The following CCDC148 variants were observed in gnomAD, a reference collection of about 807,000 sequenced individuals.
The protein encoded by CCDC148 is coiled-coil domain-containing protein 148.
A neutral mutation model predicts 85.7 loss-of-function variants in CCDC148; 89 were observed. That is an observed-to-expected ratio of 1.04 (90% confidence interval 0.87 to 1.24). The LOEUF is 1.24. Among genes scored for constraint, CCDC148 ranks in the 50% most tolerant of loss-of-function variants. The probability of loss-of-function intolerance (pLI) is 0.00; values close to 1 mark genes in which losing one functional copy is unlikely to be tolerated. For missense variants in CCDC148, 692 were observed against 671.7 expected (o/e 1.03, Z -0.33); for synonymous variants, 230 against 213.9 (o/e 1.08, Z -0.66).
At chr2:158,358,593 A>G in intron 1 of CCDC148, 23 bp from the exon 2 acceptor site, 2 of 1,480,298 alleles carry the variant, frequency 1.4e-6, no homozygotes, top group Non-Finnish European at 1.8e-6. Flanking sequence ...AAAATAGAAA[A>G]ATGACAAAGA....
chr2:158,309,452 C>CA lies in CCDC148; in HGVS notation c.1090dup (p.Cys364LeufsTer3). The CA allele has an allele frequency of 1.2e-6, 2 of 1,613,986 alleles. No homozygotes were observed. The highest frequency in any genetic ancestry group is 1.7e-6 in the Non-Finnish European group (2 of 1,179,900). The stretch of plus-strand genomic sequence containing the variant: ...TCTTACCTTGGCTTTCAGATCAGCA[C>CA]ACAATTCCTGTTGCTTTTTCTTGTC... On this transcript the variant is annotated frameshift_variant, in exon 9 of 14. Coordinates refer to ENST00000283233, the MANE Select transcript of CCDC148 (RefSeq NM_138803.4). LOFTEE classifies it high-confidence loss of function.
At chr2:158,379,099 C>T (rs1387858863) in intron 1 of CCDC148, among the ~76,000 whole-genome samples, 3 of 152,150 alleles carry the variant, frequency 2.0e-5, no homozygotes, top group Non-Finnish European at 4.4e-5. Context: ...AAAGTATTAA[C>T]TATTCCAGAT....
intron 1 of CCDC148, among the ~76,000 whole-genome samples, chr2:158,395,588 T>C (rs1685488255): frequency 6.6e-6 from 1 of 152,146 alleles, no homozygotes; most frequent in Non-Finnish European, 1.5e-5. Flanking sequence ...GGAATCTCCT[T>C]GTTGAAACTG....
chr2:158,440,345 A>G (rs1687878064), intron 1 of CCDC148, among the ~76,000 whole-genome samples: 2 of 152,272 alleles, frequency 1.3e-5, no homozygotes, highest in African/African-American at 2.4e-5. Context: ...TATCAAGCGA[A>G]ACAATGTACA....
chr2:158,324,266 T>C (rs1036061598), intron 7 of CCDC148, among the ~76,000 whole-genome samples: 1 of 152,094 alleles, frequency 6.6e-6, no homozygotes, highest in Non-Finnish European at 1.5e-5. Flanking sequence ...TTTCAGTCTT[T>C]TTTCTGTGGC....
At chr2:158,222,996 G>A (rs1019810887) in intron 10 of CCDC148, among the ~76,000 whole-genome samples, 7 of 152,150 alleles carry the variant, frequency 4.6e-5, no homozygotes, top group Non-Finnish European at 1.0e-4. Context: ...AGTGCACCGA[G>A]CATGAGCCGA....
chr2:158,216,456 G>A (rs1686867019), intron 11 of CCDC148, among the ~76,000 whole-genome samples: 1 of 135,418 alleles, frequency 7.4e-6, no homozygotes, highest in Non-Finnish European at 1.5e-5. Context: ...CAGTGCAGTG[G>A]CATGATCTCG....
chr2:158,395,962 G>T (rs182413914), intron 1 of CCDC148, among the ~76,000 whole-genome samples: 20 of 152,120 alleles, frequency 1.3e-4, no homozygotes, highest in African/African-American at 4.8e-4. Flanking sequence ...TTAATAAACT[G>T]GGATTTCCCC....
chr2:158,232,391 T>A (rs1029829506), intron 10 of CCDC148, among the ~76,000 whole-genome samples: 1 of 152,134 alleles, frequency 6.6e-6, no homozygotes, highest in Non-Finnish European at 1.5e-5. Flanking sequence ...TTTGTAATCT[T>A]TCAGATTTTT....
intron 7 of CCDC148, among the ~76,000 whole-genome samples, chr2:158,333,463 C>T (rs1036997994): frequency 6.6e-5 from 10 of 152,150 alleles, no homozygotes; most frequent in Non-Finnish European, 1.0e-4. Context: ...AGAATAAGTA[C>T]GATGAGATGC....
chr2:158,371,029 CTTATT>C (rs1684416009), intron 1 of CCDC148, among the ~76,000 whole-genome samples: 1 of 151,702 alleles, frequency 6.6e-6, no homozygotes, highest in Non-Finnish European at 1.5e-5. Context: ...CTAAATTTTT[CTTATT>C]TTATAGGAAG....
At chr2:158,208,754 G>A (rs950993939) in intron 11 of CCDC148, among the ~76,000 whole-genome samples, 1 of 152,028 alleles carries the variant, frequency 6.6e-6, no homozygotes, top group East Asian at 1.9e-4. Flanking sequence ...TTGGGTCTGT[G>A]GCCTAACTGA....
At chr2:158,420,568 A>C (rs1686725424) in intron 1 of CCDC148, among the ~76,000 whole-genome samples, 1 of 152,202 alleles carries the variant, frequency 6.6e-6, no homozygotes. Context: ...GGCCTGCCTT[A>C]CAAGAGCTCC....
intron 9 of CCDC148, among the ~76,000 whole-genome samples, chr2:158,282,963 G>A (rs1330982867): frequency 6.6e-6 from 1 of 152,184 alleles, no homozygotes; most frequent in African/African-American, 2.4e-5. Flanking sequence ...AGAGCCCTCG[G>A]AAATAACGCT....
chr2:158,272,187 T>C (rs1440846299), intron 9 of CCDC148, among the ~76,000 whole-genome samples: 4 of 152,138 alleles, frequency 2.6e-5, no homozygotes, highest in Non-Finnish European at 5.9e-5. Flanking sequence ...AGATTTATAG[T>C]GGGAAATTCT....
rs529024056 is a variant in CCDC148, at chr2:158,295,159, T to C, written c.1110+14274A>G. 3.9e-5 allele frequency among the ~76,000 whole-genome samples: 6 copies of C among 152,076 alleles called. No homozygotes were observed. In the East Asian group the frequency reaches 5.8e-4, roughly 15 times the overall value. The stretch of plus-strand genomic sequence containing the variant: ...TAAATTCCTCGACACATACACCCTC[T>C]CAAGACTAAACCAGGAAGAAGTTGA... On this transcript the variant is annotated intron_variant, in intron 9 of 13. Coordinates refer to ENST00000283233, the MANE Select transcript of CCDC148 (RefSeq NM_138803.4).
intron 1 of CCDC148, among the ~76,000 whole-genome samples, chr2:158,403,151 A>T (rs945433315): frequency 2.0e-5 from 3 of 152,126 alleles, no homozygotes; most frequent in Non-Finnish European, 2.9e-5. Context: ...TCATTTTTTT[A>T]AAATCAAACA....
chr2:158,179,153 C>T (rs915551063), intron 11 of CCDC148, among the ~76,000 whole-genome samples, 157 bp from the exon 12 acceptor site: 2 of 135,398 alleles, frequency 1.5e-5, no homozygotes, highest in Non-Finnish European at 3.2e-5. Context: ...AAAAGACACT[C>T]ATATAAAATG....
intron 7 of CCDC148, among the ~76,000 whole-genome samples, chr2:158,321,245 T>C (rs899014119): frequency 3.3e-5 from 5 of 152,148 alleles, no homozygotes; most frequent in Non-Finnish European, 7.4e-5. Context: ...TAAAGATATG[T>C]GACAAAAATA....
Sources: gnomAD v4.1 joint callset for allele counts (sites outside exome capture counted in the v4.1 genomes callset) on GRCh38, gnomAD v4.1.1 for gene constraint, MANE v1.5 for transcripts, NCBI Gene and HGNC (gene_info 2026-07-23, HGNC 2026-07-21) for gene names.